Variants in CACNA1I observed in about 807,000 individuals in gnomAD.
CACNA1I encodes the protein calcium voltage-gated channel subunit alpha1 I.
CACNA1I carries 74 observed loss-of-function variants against 201.6 expected under a neutral mutation model. That is an observed-to-expected ratio of 0.37 (90% CI 0.30 to 0.45). CACNA1I has a LOEUF of 0.45. Among genes scored for constraint, CACNA1I ranks in the 20% least tolerant of loss-of-function variants. CACNA1I has a pLI of 1.00. For missense variants in CACNA1I, 2,346 were observed against 3,138.1 expected, an observed-to-expected ratio of 0.75 and a Z score of 6.03; for synonymous variants, 1,431 against 1,345.2, an observed-to-expected ratio of 1.06 and a Z score of -1.40.
intron 10 of CACNA1I, among the ~76,000 whole-genome samples, chr22:39,657,451 C>T (rs184650797): frequency 2.0e-4 from 30 of 152,288 alleles, no homozygotes; most frequent in Non-Finnish European, 3.7e-4. Context: ...ATTGTGTCCA[C>T]CGTCCTTTCA....
rs1274687908 is a variant in CACNA1I, at chr22:39,666,827, G to A, written c.4104+821G>A. 6.6e-6 allele frequency among the ~76,000 whole-genome samples: 1 copy of A among 152,160 alleles called. No homozygotes were observed. Among genetic ancestry groups the A allele is most frequent in the Non-Finnish European group, 1.5e-5 (1 of 68,012 alleles). ...ACAGGGCCTTGGAGGGGTAGTGAGT[G>A]CCCAGGGAAAGGGTGTCAGGAACCA... On this transcript the variant is annotated intron_variant, in intron 23 of 36. Coordinates refer to ENST00000402142, the MANE Select transcript of CACNA1I (RefSeq NM_021096.4). This position sits in a 1 kb window ranked among gnomAD's most constrained non-coding sequence, Gnocchi z 4.1.
chr22:39,633,446 G>T (rs114640360), intron 4 of CACNA1I, among the ~76,000 whole-genome samples: 1,590 of 152,316 alleles, frequency 0.01, 33 homozygotes, highest in African/African-American at 0.036. Context: ...TAGGTCAGAG[G>T]TGCTGAGATT....
chr22:39,575,376 G>C (rs1932310984), intron 1 of CACNA1I, among the ~76,000 whole-genome samples: 1 of 152,196 alleles, frequency 6.6e-6, no homozygotes, highest in Admixed American at 6.5e-5. Flanking sequence ...GAGCAGGACA[G>C]TGTGACAGTG....
chr22:39,670,168 A>C lies in CACNA1I; in HGVS notation c.4325A>C (p.Glu1442Ala). The C allele has an allele frequency of 6.2e-7, 1 of 1,614,006 alleles. No homozygotes were observed. The highest frequency in any genetic ancestry group is 8.5e-7 in the Non-Finnish European group (1 of 1,179,878). The change falls in exon 25 of 37, where the codon GAG (glutamate) becomes GCG (alanine). Residue 1442 changes from glutamate (E) to alanine (A), a missense_variant. Transcript: ENST00000402142. ...TTCCACAAGTGCCGGCAGCACCAGG[A>C]GGCTGAAGAGGCACGGCGGCGTGAG... ...ENFHKCRQHQ[E>A]AEEARRREEK...
chr22:39,585,747 T>TTG (rs1465362723), intron 1 of CACNA1I, among the ~76,000 whole-genome samples: 1 of 145,472 alleles, frequency 6.9e-6, no homozygotes, highest in Admixed American at 6.9e-5. Flanking sequence ...TTTTTTTTTT[T>TTG]GCAATGCGGT....
intron 5 of CACNA1I, among the ~76,000 whole-genome samples, chr22:39,637,190 T>G (rs547487434): frequency 6.6e-6 from 1 of 152,196 alleles, no homozygotes; most frequent in South Asian, 2.1e-4. Flanking sequence ...CTGCATGTGT[T>G]GAAAATTAGG....
chr22:39,624,215 C>T (rs547583031), intron 4 of CACNA1I, among the ~76,000 whole-genome samples: 21 of 152,000 alleles, frequency 1.4e-4, no homozygotes, highest in South Asian at 2.1e-4. Flanking sequence ...TGTGTGTGGG[C>T]GCCTGTGCCT....
At chr22:39,624,381 C>T (rs1383732267) in intron 4 of CACNA1I, among the ~76,000 whole-genome samples, 1 of 152,154 alleles carries the variant, frequency 6.6e-6, no homozygotes, top group South Asian at 2.1e-4. Context: ...CCAACATCCC[C>T]CTGCGCTCCA....
At chr22:39,647,380 C>T (rs1246599419) in intron 8 of CACNA1I, among the ~76,000 whole-genome samples, 1 of 152,128 alleles carries the variant, frequency 6.6e-6, no homozygotes, top group Non-Finnish European at 1.5e-5. Context: ...CTCATGCCAC[C>T]CTGTGCTCTG....
At position 39,659,692 on chromosome 22, in the gene CACNA1I, A is replaced by C; in HGVS notation, c.2449-5A>C. On this transcript the variant is annotated splice_region_variant and splice_polypyrimidine_tract_variant and intron_variant, in intron 13 of 36. Transcript: ENST00000402142. The surrounding 1 kb of genome is among the most constrained non-coding windows in gnomAD (Gnocchi z 4.3). ...ACCCCAGGGCTAACTGTGTCTCCCC[A>C]ACAGATCCTCACCCAGGAGGACTGG... The C allele has an allele frequency of 6.2e-7, 1 of 1,613,776 alleles. No individual in the cohort carries two copies. Among genetic ancestry groups the C allele is most frequent in the Non-Finnish European group, 8.5e-7 (1 of 1,179,820 alleles).
chr22:39,660,322 AACGTG>A lies in CACNA1I; in HGVS notation c.2605-18_2605-14del, dbSNP rs1934964526. The A allele has an allele frequency of 1.9e-6, 3 of 1,595,436 alleles. No individual in the cohort carries two copies. The highest frequency in any genetic ancestry group is 2.6e-6 in the Non-Finnish European group (3 of 1,165,858). On this transcript the variant is annotated splice_polypyrimidine_tract_variant and intron_variant, in intron 14 of 36. Coordinates refer to ENST00000402142, the MANE Select transcript of CACNA1I (RefSeq NM_021096.4). ...GAGGAGCTGGACTGACCTGCATTCT[AACGTG>A]ACGGATGCTCTCCCAGGGTGACGCC...
At chr22:39,624,857 C>T (rs938796435) in intron 4 of CACNA1I, among the ~76,000 whole-genome samples, 5 of 151,296 alleles carry the variant, frequency 3.3e-5, no homozygotes, top group African/African-American at 1.2e-4. Flanking sequence ...GATTTTCCTG[C>T]AGACATTTCT....
intron 8 of CACNA1I, 101 bp downstream of exon 8, chr22:39,646,982 C>A (rs1934513261): frequency 1.4e-6 from 2 of 1,426,104 alleles, no homozygotes; most frequent in African/African-American, 2.9e-5. Context: ...AATTCCAGGT[C>A]TTCACTTCAT....
intron 5 of CACNA1I, among the ~76,000 whole-genome samples, chr22:39,635,133 C>T (rs934842644): frequency 1.1e-4 from 17 of 152,182 alleles, no homozygotes; most frequent in East Asian, 5.8e-4. Flanking sequence ...CTATAGAACC[C>T]GTGCTTCCGT....
chr22:39,679,886 G>A lies in CACNA1I; in HGVS notation c.5541+18G>A, dbSNP rs1428192787. On this transcript the variant is annotated intron_variant, in intron 33 of 36. Coordinates refer to ENST00000402142, the MANE Select transcript of CACNA1I (RefSeq NM_021096.4). Reference sequence around the variant, plus strand: ...AGCAAGAGGTAATGGCAGCCCGGGAGGCCTGGCCCCTTGTGGCAGGGGCAG... The same window carrying A: ...AGCAAGAGGTAATGGCAGCCCGGGAAGCCTGGCCCCTTGTGGCAGGGGCAG... The A allele has an allele frequency of 2.5e-6, 4 of 1,607,102 alleles. No homozygotes were observed. In the African/African-American group the frequency reaches 4.0e-5, roughly 16 times the overall value.
At chr22:39,682,998 T>C (rs1245718841) in intron 35 of CACNA1I, among the ~76,000 whole-genome samples, 1 of 151,596 alleles carries the variant, frequency 6.6e-6, no homozygotes, top group African/African-American at 2.4e-5. Flanking sequence ...AGCTGCCAGA[T>C]TATTGTGGTG....
chr22:39,646,507 C>G (rs1934490589), intron 7 of CACNA1I, 62 bp from the exon 8 acceptor site: 7 of 1,484,984 alleles, frequency 4.7e-6, no homozygotes, highest in Non-Finnish European at 6.3e-6. Flanking sequence ...CTCTGCCTCT[C>G]TCACCCTTCT....
intron 23 of CACNA1I, among the ~76,000 whole-genome samples, chr22:39,667,466 C>T (rs992745494): frequency 5.3e-5 from 8 of 152,146 alleles, no homozygotes; most frequent in Non-Finnish European, 7.3e-5. Flanking sequence ...ATGTAACCTC[C>T]GGGCAGTTTC....
chr22:39,679,186 G>T lies in CACNA1I; in HGVS notation c.5135G>T (p.Ser1712Ile). The change falls in exon 32 of 37, where the codon AGC (serine) becomes ATC (isoleucine). Residue 1712 changes from serine (S) to isoleucine (I), a missense_variant. By Grantham distance (142) the Ser-to-Ile change is moderately radical. Around this residue, in one of 13 missense-constraint regions of CACNA1I, gnomAD observed 64 missense variants for 131.8 expected, o/e 0.49. Coordinates refer to ENST00000402142, the MANE Select transcript of CACNA1I (RefSeq NM_021096.4). ...TTTGTGTCGCCGCTGTACTTCGTGA[G>T]CTTCGTGCTCACCGCGCAGTTCGTG... The part of the protein sequence containing the change: ...LQFVSPLYFV[S>I]FVLTAQFVLI... The T allele has an allele frequency of 6.3e-7, 1 of 1,591,928 alleles. No homozygotes were observed. Among genetic ancestry groups the T allele is most frequent in the Admixed American group, 1.8e-5 (1 of 57,008 alleles).
Sources: allele counts gnomAD v4.1 joint callset (sites outside exome capture counted in the v4.1 genomes callset), GRCh38; gene constraint gnomAD v4.1.1; regional missense constraint gnomAD v4.1.1; non-coding constraint Gnocchi (gnomAD v3.1); transcripts MANE v1.5; gene names NCBI Gene and HGNC (gene_info 2026-07-23, HGNC 2026-07-21).